The following TGFBR1 variants were observed in gnomAD, a reference collection of about 807,000 sequenced individuals.
TGFBR1 encodes TGF-beta receptor type-1.
A neutral mutation model predicts 55.1 loss-of-function variants in TGFBR1; 20 were observed. The ratio of observed to expected loss-of-function variants is 0.36; its 90% CI spans 0.26 to 0.53. The LOEUF is 0.53. Ranked by LOEUF, TGFBR1 falls within the 20% of genes least tolerant of loss-of-function variation. The pLI, the probability that TGFBR1 is intolerant of heterozygous loss-of-function variation, is 0.91. For synonymous variants in TGFBR1, 220 were observed against 214.8 expected, an observed-to-expected ratio of 1.02 and a Z score of -0.21; for missense variants, 385 against 617.6, an observed-to-expected ratio of 0.62 and a Z score of 3.99.
intron 1 of TGFBR1, among the ~76,000 whole-genome samples, chr9:99,126,359 ATGTATAGCGG>A (rs1313344270): frequency 6.6e-6 from 1 of 152,144 alleles, no homozygotes; most frequent in Non-Finnish European, 1.5e-5. Context: ...AATATTTTTT[ATGTATAGCGG>A]TTACCACATT....
At chr9:99,120,849 G>C (rs1418337591) in intron 1 of TGFBR1, among the ~76,000 whole-genome samples, 1 of 152,110 alleles carries the variant, frequency 6.6e-6, no homozygotes, top group Non-Finnish European at 1.5e-5. Context: ...TCTTTATGCT[G>C]TACTTGTGTG....
intron 1 of TGFBR1, among the ~76,000 whole-genome samples, chr9:99,108,372 A>G (rs914900217): frequency 5.9e-5 from 9 of 152,336 alleles, no homozygotes; most frequent in African/African-American, 1.4e-4. Flanking sequence ...TGTTGTTGCT[A>G]AAGAGCAGGA....
chr9:99,148,146 AG>A (rs1216609025), intron 8 of TGFBR1, among the ~76,000 whole-genome samples: 10 of 152,226 alleles, frequency 6.6e-5, no homozygotes, highest in Non-Finnish European at 7.3e-5. Flanking sequence ...TACCATTTCA[AG>A]GGTCTGACTC....
chr9:99,103,895 A>G (rs747674950), upstream of TGFBR1: 1 of 152,228 alleles, frequency 6.6e-6, no homozygotes, highest in Non-Finnish European at 1.5e-5. Context: ...AATTGGCATT[A>G]ATCAGAACCA....
intron 8 of TGFBR1, among the ~76,000 whole-genome samples, chr9:99,148,054 C>T (rs1349817387): frequency 1.3e-5 from 2 of 152,142 alleles, no homozygotes; most frequent in Admixed American, 6.5e-5. Flanking sequence ...TAAATGAATG[C>T]CTCCCTTCAG....
intron 1 of TGFBR1, among the ~76,000 whole-genome samples, chr9:99,106,433 A>C (rs920500979): frequency 3.3e-5 from 5 of 152,236 alleles, no homozygotes; most frequent in South Asian, 2.1e-4. Flanking sequence ...AAGATGTTGA[A>C]ATTTTTTTAA....
At chr9:99,140,764 T>G (rs1308067193) in intron 4 of TGFBR1, among the ~76,000 whole-genome samples, 2 of 152,222 alleles carry the variant, frequency 1.3e-5, no homozygotes, top group African/African-American at 4.8e-5. Context: ...CTCTACCATG[T>G]TGGCAACTCT....
intron 1 of TGFBR1, among the ~76,000 whole-genome samples, chr9:99,105,770 G>A (rs1030450082): frequency 6.6e-6 from 1 of 152,194 alleles, no homozygotes; most frequent in Non-Finnish European, 1.5e-5. Context: ...CCGAACCCGG[G>A]GCGGGGTTTG....
At chr9:99,132,073 GTTT>G (rs936696350) in intron 2 of TGFBR1, among the ~76,000 whole-genome samples, 4 of 150,556 alleles carry the variant, frequency 2.7e-5, no homozygotes, top group South Asian at 2.1e-4. Context: ...ATATTTTGTT[GTTT>G]TTTTTGTTGT....
At chr9:99,122,180 G>A (rs1335685486) in intron 1 of TGFBR1, among the ~76,000 whole-genome samples, 1 of 152,044 alleles carries the variant, frequency 6.6e-6, no homozygotes, top group Non-Finnish European at 1.5e-5. Flanking sequence ...CAGTAACAAG[G>A]GTTGAAAAAG....
chr9:99,115,111 A>G lies in TGFBR1; in HGVS notation c.97+9809A>G, dbSNP rs186678945. Among the ~76,000 whole-genome samples the G allele has an allele frequency of 2.4e-3, 365 of 152,316 alleles. 1 individual carries two copies. The highest frequency in any genetic ancestry group is 4.0e-3 in the Non-Finnish European group (274 of 68,018). ...TCTGTTCTTGAGCAGAAGCTTTTAT[A>G]GAAGTCTTTGTACATGGGCCATTGA... On this transcript the variant is annotated intron_variant, in intron 1 of 8. Coordinates refer to ENST00000374994, the MANE Select transcript of TGFBR1 (RefSeq NM_004612.4).
intron 2 of TGFBR1, among the ~76,000 whole-genome samples, chr9:99,131,392 G>C (rs1160357488): frequency 2.0e-5 from 3 of 152,116 alleles, no homozygotes; most frequent in Non-Finnish European, 4.4e-5. Flanking sequence ...GAAATTACTA[G>C]AAATAGGATT....
intron 6 of TGFBR1, chr9:99,145,851 T>G (rs1827777415): frequency 6.5e-6 from 1 of 154,468 alleles, no homozygotes; most frequent in Non-Finnish European, 1.4e-5. Context: ...ATTTTGAGAT[T>G]TCTGGATTCC....
chr9:99,118,585 A>G (rs1356799387), intron 1 of TGFBR1, among the ~76,000 whole-genome samples: 1 of 151,464 alleles, frequency 6.6e-6, no homozygotes, highest in Non-Finnish European at 1.5e-5. Context: ...GAATTTTATC[A>G]GTTTTTTTGT....
At position 99,142,561 on chromosome 9, in the gene TGFBR1, G is replaced by A; in HGVS notation, c.831G>A (p.Trp277Ter). 6.2e-7 allele frequency: 1 copy of A among 1,614,042 alleles called. No individual in the cohort carries two copies. Among genetic ancestry groups the A allele is most frequent in the Non-Finnish European group, 8.5e-7 (1 of 1,179,926 alleles). Residue 277 changes from tryptophan (W) to a stop codon, truncating the protein, a stop_gained, in exon 5 of 9, where the codon TGG (tryptophan) becomes TGA (stop). Coordinates refer to ENST00000374994, the MANE Select transcript of TGFBR1 (RefSeq NM_004612.4). LOFTEE classifies it high-confidence loss of function. Reference protein sequence around the residue: ...NKDNGTWTQLWLVSDYHEHGS... With the variant: ...NKDNGTWTQL ...ACAATGGTACTTGGACTCAGCTCTG[G>A]TTGGTGTCAGATTATCATGAGCATG...
At chr9:99,133,355 CTATTTGTTGA>C (rs1827308686) in intron 3 of TGFBR1, among the ~76,000 whole-genome samples, 1 of 152,060 alleles carries the variant, frequency 6.6e-6, no homozygotes. Context: ...TTTCTCAGTT[CTATTTGTTGA>C]TATTTGTGGC....
chr9:99,134,145 G>A lies in TGFBR1; in HGVS notation c.574+1406G>A, dbSNP rs151026034. Among the ~76,000 whole-genome samples the A allele has an allele frequency of 7.8e-4, 118 of 152,172 alleles. No individual in the cohort carries two copies. In the Middle Eastern group the frequency reaches 0.01, roughly 13 times the overall value. ...GCAGAAAGCTCATATAATGACAAATGTCTATTTATTTTAAGGAAATGAATA... is the reference window on the plus strand; with the variant it reads ...GCAGAAAGCTCATATAATGACAAATATCTATTTATTTTAAGGAAATGAATA... On this transcript the variant is annotated intron_variant, in intron 3 of 8. Transcript: ENST00000374994.
rs779055286 is a variant in TGFBR1, at chr9:99,128,856, G to A, written c.99G>A (p.Ala33=). Residue 33 remains alanine, a splice_region_variant and synonymous_variant, in exon 2 of 9, where the codon GCG becomes GCA. Coordinates refer to ENST00000374994, the MANE Select transcript of TGFBR1 (RefSeq NM_004612.4). ...AAAALLPGAT[A]LQCFCHLCTK... ...CTAAGAATCTTTCTCTTTTTCCAGC[G>A]TTACAGTGTTTCTGCCACCTCTGTA... 1.1e-5 allele frequency: 18 copies of A among 1,613,430 alleles called. No individual in the cohort carries two copies. The highest frequency in any genetic ancestry group is 5.0e-5 in the Admixed American group (3 of 59,960).
intron 4 of TGFBR1, among the ~76,000 whole-genome samples, chr9:99,139,331 G>A (rs933692384): frequency 6.6e-6 from 1 of 151,982 alleles, no homozygotes. Context: ...ACCTCAGTTG[G>A]TAATTATGGG....
Sources: allele counts gnomAD v4.1 joint callset (sites outside exome capture counted in the v4.1 genomes callset), GRCh38; gene constraint gnomAD v4.1.1; transcripts MANE v1.5; gene names NCBI Gene and HGNC (gene_info 2026-07-23, HGNC 2026-07-21).